Variants in DLG2 observed in about 807,000 individuals in gnomAD.
DLG2 encodes the protein discs large MAGUK scaffold protein 2.
DLG2 carries 45 observed loss-of-function variants against 132.5 expected under a neutral mutation model. The ratio of observed to expected loss-of-function variants is 0.34; its 90% confidence interval spans 0.27 to 0.44. DLG2 has a LOEUF of 0.44. Ranked by LOEUF, DLG2 falls within the 20% of genes least tolerant of loss-of-function variation. The pLI, the probability that DLG2 is intolerant of heterozygous loss-of-function variation, is 1.00. For missense variants in DLG2, 1,045 were observed against 1,196.9 expected, an observed-to-expected ratio of 0.87 and a Z score of 1.87; for synonymous variants, 424 against 419.6, an observed-to-expected ratio of 1.01 and a Z score of -0.13.
chr11:84,274,658 C>A (rs1304942862), intron 7 of DLG2, among the ~76,000 whole-genome samples: 1 of 152,150 alleles, frequency 6.6e-6, no homozygotes, highest in Non-Finnish European at 1.5e-5. Context: ...ACCTTCATTT[C>A]TTTTCAATTT....
At chr11:84,334,847 A>T (rs1435094058) in intron 7 of DLG2, among the ~76,000 whole-genome samples, 1 of 152,164 alleles carries the variant, frequency 6.6e-6, no homozygotes, top group Non-Finnish European at 1.5e-5. Context: ...GGTTTTAGGG[A>T]TGGGTTCCTT....
At chr11:83,905,754 T>A (rs2154103886) in intron 15 of DLG2, among the ~76,000 whole-genome samples, 1 of 152,286 alleles carries the variant, frequency 6.6e-6, no homozygotes, top group African/African-American at 2.4e-5. Flanking sequence ...TTCATTATCA[T>A]CTTTTGATGG....
At chr11:84,436,379 G>C (rs144178856) in intron 7 of DLG2, among the ~76,000 whole-genome samples, 1 of 152,278 alleles carries the variant, frequency 6.6e-6, no homozygotes, top group Non-Finnish European at 1.5e-5. Context: ...TGAATAGCAA[G>C]TTATAGTGAA....
chr11:84,004,684 G>T (rs1275629844), intron 11 of DLG2, among the ~76,000 whole-genome samples: 1 of 151,788 alleles, frequency 6.6e-6, no homozygotes, highest in Non-Finnish European at 1.5e-5. Flanking sequence ...ATTTACAATG[G>T]TTACAGAAAC....
At chr11:84,333,481 T>C (rs887704431) in intron 7 of DLG2, among the ~76,000 whole-genome samples, 1 of 152,222 alleles carries the variant, frequency 6.6e-6, no homozygotes, top group African/African-American at 2.4e-5. Flanking sequence ...AGAAAAGAGC[T>C]GGCCCCTTTT....
chr11:84,658,758 T>G (rs184282510), intron 6 of DLG2, among the ~76,000 whole-genome samples: 1 of 152,290 alleles, frequency 6.6e-6, no homozygotes, highest in African/African-American at 2.4e-5. Flanking sequence ...TTAAAAGCTT[T>G]CTAAGCCCTC....
chr11:85,393,603 G>GGT (rs1190876537), intron 3 of DLG2, among the ~76,000 whole-genome samples: 1 of 144,244 alleles, frequency 6.9e-6, no homozygotes, highest in Non-Finnish European at 1.5e-5. Flanking sequence ...AAGAAAATGT[G>GGT]GTATATATAT....
At chr11:84,384,885 T>A (rs1364717049) in intron 7 of DLG2, among the ~76,000 whole-genome samples, 1 of 152,100 alleles carries the variant, frequency 6.6e-6, no homozygotes, top group African/African-American at 2.4e-5. Context: ...CAACAGGAGT[T>A]CATGATACAT....
intron 3 of DLG2, among the ~76,000 whole-genome samples, chr11:85,499,755 C>T (rs999704329): frequency 5.9e-5 from 9 of 152,112 alleles, no homozygotes; most frequent in Non-Finnish European, 1.0e-4. Context: ...ACCATGATCA[C>T]GTCTGCTTCA....
chr11:85,322,863 C>G (rs932703027), intron 3 of DLG2, among the ~76,000 whole-genome samples: 2 of 152,148 alleles, frequency 1.3e-5, no homozygotes, highest in Non-Finnish European at 2.9e-5. Context: ...CTAGCTAAAT[C>G]CAGGTAACCA....
At chr11:85,484,580 A>C (rs1399577435) in intron 3 of DLG2, among the ~76,000 whole-genome samples, 2 of 151,994 alleles carry the variant, frequency 1.3e-5, no homozygotes, top group African/African-American at 4.8e-5. Flanking sequence ...ACATTTATGC[A>C]GCCAAAAAAC....
chr11:83,959,426 T>C (rs149404423), intron 14 of DLG2, among the ~76,000 whole-genome samples: 2 of 152,236 alleles, frequency 1.3e-5, no homozygotes, highest in East Asian at 1.9e-4. Flanking sequence ...TTCACAGACA[T>C]GTTTCCCTAC....
At chr11:83,713,877 T>C (rs2086068442) in intron 18 of DLG2, among the ~76,000 whole-genome samples, 1 of 152,196 alleles carries the variant, frequency 6.6e-6, no homozygotes, top group South Asian at 2.1e-4. Context: ...TACTTGCGAA[T>C]GTGCAAGGAT....
chr11:85,464,322 CAGA>C (rs1177333737), intron 3 of DLG2, among the ~76,000 whole-genome samples: 3 of 152,260 alleles, frequency 2.0e-5, no homozygotes, highest in South Asian at 2.1e-4. Flanking sequence ...CCAGCCCTCA[CAGA>C]AGAACTGGAG....
chr11:83,896,188 C>G (rs2071621901), intron 15 of DLG2, among the ~76,000 whole-genome samples: 1 of 152,106 alleles, frequency 6.6e-6, no homozygotes, highest in Admixed American at 6.5e-5. Context: ...AGTGGTGAAA[C>G]TTAATTTTGG....
In DLG2 at chr11:84,928,982, G is replaced by GTGTGTGTATATATA. The variant is rs1400906684; in HGVS notation, c.357+182678_357+182679insTATATATACACACA. ...TATGTGTGTGTGTGTGTGTGTGTGT[G>GTGTGTGTATATATA]TATATATATATATATATATATATAT... is the stretch of plus-strand genomic sequence containing the variant. On this transcript the variant is annotated intron_variant, in intron 6 of 27. Transcript: ENST00000376104. Among the ~76,000 whole-genome samples the GTGTGTGTATATATA allele has an allele frequency of 1.4e-3, 67 of 49,108 alleles. 1 individual carries two copies. Among genetic ancestry groups the GTGTGTGTATATATA allele is most frequent in the South Asian group, 6.0e-3 (7 of 1,174 alleles). The allele number at this position is 49,108 out of a possible 152,430, so 32.2% of individuals were successfully genotyped here.
At chr11:85,628,309 C>A (rs2082121871), upstream of DLG2, among the ~76,000 whole-genome samples, 1 of 152,202 alleles carries the variant, frequency 6.6e-6, no homozygotes, top group South Asian at 2.1e-4. Context: ...TCGGGCCGCC[C>A]CATCTTTCCC....
At chr11:84,417,761 T>G (rs868252410) in intron 7 of DLG2, among the ~76,000 whole-genome samples, 1 of 151,846 alleles carries the variant, frequency 6.6e-6, no homozygotes, top group Non-Finnish European at 1.5e-5. Flanking sequence ...TGAAGACGTG[T>G]TTTTTTTCCC....
chr11:83,558,848 CGTGTGT>C (rs3039336), intron 19 of DLG2, among the ~76,000 whole-genome samples: 2,320 of 142,282 alleles, frequency 0.016, 43 homozygotes, highest in African/African-American at 0.053. Context: ...TGCTAGATGT[CGTGTGT>C]GTGTGTGTGT....
Sources: gnomAD v4.1 joint callset for allele counts (sites outside exome capture counted in the v4.1 genomes callset) on GRCh38, gnomAD v4.1.1 for gene constraint, MANE v1.5 for transcripts, NCBI Gene and HGNC (gene_info 2026-07-23, HGNC 2026-07-21) for gene names.